The following POLR1A variants were observed in gnomAD, a reference collection of about 807,000 sequenced individuals.
POLR1A encodes DNA-directed RNA polymerase I subunit RPA1.
Under a neutral mutation model 205.3 loss-of-function variants are expected in POLR1A, and 84 were observed. The ratio of observed to expected loss-of-function variants is 0.41; its 90% CI spans 0.34 to 0.49. The LOEUF is 0.49. Among genes scored for constraint, POLR1A ranks in the 20% least tolerant of loss-of-function variants. The pLI, the probability that POLR1A is intolerant of heterozygous loss-of-function variation, is 0.22. For synonymous variants in POLR1A, 799 were observed against 863.7 expected, an observed-to-expected ratio of 0.93 and a Z score of 1.31; for missense variants, 1,645 against 2,204.5, an observed-to-expected ratio of 0.75 and a Z score of 5.08.
At position 86,020,968 on chromosome 2, in the gene POLR1A, G is replaced by A. The variant is rs1375578946; in HGVS notation, c.*6455C>T. Reference sequence around the variant, plus strand: ...AAGGAAACTGAAGTGCATTTCTTAGGGTCCCACTGTAAGTTGAGGGCTTGA... The same window carrying A: ...AAGGAAACTGAAGTGCATTTCTTAGAGTCCCACTGTAAGTTGAGGGCTTGA... On this transcript the variant is annotated 3_prime_UTR_variant, in exon 34 of 34. Coordinates refer to ENST00000263857, the MANE Select transcript of POLR1A (RefSeq NM_015425.6). 1 of 152,204 alleles carries A rather than the reference G, an allele frequency of 6.6e-6. No homozygotes were observed. Among genetic ancestry groups the A allele is most frequent in the East Asian group, 1.9e-4 (1 of 5,208 alleles). 9.4% of individuals were successfully genotyped at this position (152,204 alleles called of 1,614,324 possible).
intron 13 of POLR1A, among the ~76,000 whole-genome samples, chr2:86,068,984 G>C (rs1158654966): frequency 1.3e-5 from 2 of 152,210 alleles, no homozygotes; most frequent in Non-Finnish European, 2.9e-5. Flanking sequence ...ACAAACCCTA[G>C]GAAGATCCAG....
At position 86,028,606 on chromosome 2, in the gene POLR1A, A is replaced by G; in HGVS notation, c.4885T>C (p.Phe1629Leu). Residue 1629 changes from phenylalanine to leucine, a missense_variant, in exon 32 of 34, where the codon TTT becomes CTT. Around this residue, in one of 16 missense-constraint regions of POLR1A, gnomAD observed 86 missense variants for 149.8 expected, o/e 0.57. Transcript: ENST00000263857. This position sits in a 1 kb window ranked among gnomAD's most constrained non-coding sequence, Gnocchi z 4.5. ...AAGCTCCCCTTACCATACACGGCAA[A>G]CACATCCTTGATCTCCTTCTCGATC... ...RVIEKEIKDV[F>L]AVYGIAVDPR... The G allele has an allele frequency of 1.2e-6, 2 of 1,613,370 alleles. No individual in the cohort carries two copies. Among genetic ancestry groups the G allele is most frequent in the Non-Finnish European group, 8.5e-7 (1 of 1,179,280 alleles).
At chr2:86,077,811 G>GCGCA (rs1173393230) in intron 11 of POLR1A, 48 bp downstream of exon 11, 3 of 172,722 alleles carry the variant, frequency 1.7e-5, no homozygotes, top group African/African-American at 1.4e-4. Context: ...ACGCGCGCGC[G>GCGCA]CACACACACA....
intron 6 of POLR1A, among the ~76,000 whole-genome samples, chr2:86,083,820 TATC>T (rs1400242642): frequency 2.6e-5 from 4 of 152,240 alleles, no homozygotes; most frequent in Admixed American, 6.5e-5. Flanking sequence ...TTTTTACAAA[TATC>T]ATACTGGTGT....
chr2:86,031,151 A>G lies in POLR1A; in HGVS notation c.4578+179T>C, dbSNP rs146343624. 9.0e-3 allele frequency among the ~76,000 whole-genome samples: 1,376 copies of G among 152,266 alleles called. 7 individuals carry two copies. The highest frequency in any genetic ancestry group is 0.014 in the Non-Finnish European group (956 of 68,002). ...CCTAAAGGGATCTGGGATTAAAAAG[A>G]ACAAATGACTCTCGCAGGCCCCAAA... On this transcript the variant is annotated intron_variant, in intron 30 of 33. Coordinates refer to ENST00000263857, the MANE Select transcript of POLR1A (RefSeq NM_015425.6).
In POLR1A at chr2:86,077,685, G is replaced by C. The variant is rs75575952; in HGVS notation, c.1380+174C>G. On this transcript the variant is annotated intron_variant, in intron 11 of 33. Coordinates refer to ENST00000263857, the MANE Select transcript of POLR1A (RefSeq NM_015425.6). ...GCTTCCAGTCACCTCCTTGTGGGCT[G>C]TCCAGGAAGAGGCAGAAGCTAGTTC... Among the ~76,000 whole-genome samples the C allele has an allele frequency of 9.1e-3, 1,386 of 152,248 alleles. 20 individuals carry two copies. The highest frequency in any genetic ancestry group is 0.031 in the African/African-American group (1,308 of 41,538).
chr2:86,041,699 C>T (rs1672613892), intron 24 of POLR1A, among the ~76,000 whole-genome samples, 190 bp downstream of exon 24: 1 of 152,190 alleles, frequency 6.6e-6, no homozygotes, highest in South Asian at 2.1e-4. Context: ...TCCTGCCTCC[C>T]TTGCACTTGT....
chr2:86,095,356 G>T (rs748682483), intron 3 of POLR1A, among the ~76,000 whole-genome samples: 2 of 152,096 alleles, frequency 1.3e-5, no homozygotes, highest in Non-Finnish European at 2.9e-5. Flanking sequence ...GCCATCAAAA[G>T]AAAACATACA....
At position 86,077,805 on chromosome 2, in the gene POLR1A, G is replaced by A. The variant is rs992653868; in HGVS notation, c.1380+54C>T. The A allele has an allele frequency of 4.1e-4, 419 of 1,013,496 alleles. 39 individuals carry two copies. Among genetic ancestry groups the A allele is most frequent in the African/African-American group, 1.0e-3 (38 of 37,754 alleles). 62.8% of individuals were successfully genotyped at this position (1,013,496 alleles called of 1,614,324 possible). A position where few individuals can be genotyped will look rare whatever the true frequency, so the allele number is the denominator to read the frequency against. On this transcript the variant is annotated intron_variant, in intron 11 of 33. Coordinates refer to ENST00000263857, the MANE Select transcript of POLR1A (RefSeq NM_015425.6). ...CGGGGAGCAAATGAGCCCTGCACGCGCGCGCGCACACACACACACACACAC... is the reference window on the plus strand; with the variant it reads ...CGGGGAGCAAATGAGCCCTGCACGCACGCGCGCACACACACACACACACAC...
intron 3 of POLR1A, among the ~76,000 whole-genome samples, chr2:86,093,987 C>G (rs976901655): frequency 6.6e-6 from 1 of 152,156 alleles, no homozygotes; most frequent in Non-Finnish European, 1.5e-5. Context: ...CCCTCGATTG[C>G]GGGCATGTCT....
At chr2:86,098,883 C>A in intron 2 of POLR1A, 123 bp from the exon 3 acceptor site, 1 of 794,530 alleles carries the variant, frequency 1.3e-6, no homozygotes. Context: ...TCTACTTCAG[C>A]CTACATGCTT....
At chr2:86,057,726 T>TTA (rs1489738692) in intron 14 of POLR1A, among the ~76,000 whole-genome samples, 2 of 152,186 alleles carry the variant, frequency 1.3e-5, no homozygotes, top group Non-Finnish European at 2.9e-5. Flanking sequence ...TTGATACAAC[T>TTA]TATATGAAAT....
Position 86,028,768 on chromosome 2 carries a change from C to G in POLR1A, c.4780-57G>C, listed in dbSNP as rs572693996. ...GGGCCTGGCCTTCTGCTCCCTTCTG[C>G]CTGCGTATCTCCCCCTGGCCGCTCT... On this transcript the variant is annotated intron_variant, in intron 31 of 33. Coordinates refer to ENST00000263857, the MANE Select transcript of POLR1A (RefSeq NM_015425.6). The surrounding 1 kb of genome is among the most constrained non-coding windows in gnomAD (Gnocchi z 4.5). 51 of 1,253,608 alleles carry G rather than the reference C, an allele frequency of 4.1e-5. No homozygotes were observed. In the South Asian group the frequency reaches 5.3e-4, roughly 13 times the overall value. 77.7% of individuals were successfully genotyped at this position (1,253,608 alleles called of 1,614,324 possible). A position where few individuals can be genotyped will look rare whatever the true frequency, so the allele number is the denominator to read the frequency against.
chr2:86,093,297 C>G (rs956338746), intron 3 of POLR1A, among the ~76,000 whole-genome samples: 1 of 152,198 alleles, frequency 6.6e-6, no homozygotes, highest in African/African-American at 2.4e-5. Context: ...GAAACAATCT[C>G]AAATTTATAG....
intron 3 of POLR1A, among the ~76,000 whole-genome samples, chr2:86,090,483 A>G (rs1158182129): frequency 6.6e-6 from 1 of 152,172 alleles, no homozygotes; most frequent in Non-Finnish European, 1.5e-5. Flanking sequence ...CAAAGAGCCA[A>G]GATAGGTTAA....
Position 86,039,564 on chromosome 2 carries a change from G to C in POLR1A, c.3741-102C>G. On this transcript the variant is annotated intron_variant, in intron 25 of 33. Transcript: ENST00000263857. ...GTCAGAGTTCTTTTGGAATCTGAGA[G>C]AGGCCTGGGGATCTCACAGGGATAA... 1.2e-5 allele frequency: 16 copies of C among 1,348,114 alleles called. No homozygotes were observed. The South Asian group carries it at 1.5e-4, about 13-fold the overall frequency. The allele number at this position is 1,348,114 out of a possible 1,614,324, so 83.5% of individuals were successfully genotyped here. A position where few individuals can be genotyped will look rare whatever the true frequency, so the allele number is the denominator to read the frequency against.
intron 14 of POLR1A, among the ~76,000 whole-genome samples, chr2:86,058,177 T>G (rs1672931366): frequency 6.6e-6 from 1 of 152,226 alleles, no homozygotes; most frequent in Admixed American, 6.5e-5. Context: ...CTTGGCTCAC[T>G]GCAAGCTCCA....
Position 86,054,187 on chromosome 2 carries a change from G to C in POLR1A, c.2161C>G (p.Pro721Ala), listed in dbSNP as rs770316856. 2 of 1,613,884 alleles carry C rather than the reference G, an allele frequency of 1.2e-6. No individual in the cohort carries two copies. The highest frequency in any genetic ancestry group is 2.2e-5 in the South Asian group (2 of 91,084). ...GGGTTAAAGCCAGGAACGGATCGAG[G>C]AGTTTCCTTCACCCAGGCTTTCCCA... Reference protein sequence around the residue: ...ITGKAWVKETPRSVPGFNPDS... With the variant: ...ITGKAWVKETARSVPGFNPDS... The change falls in exon 15 of 34, where the codon CCT becomes GCT. Residue 721 changes from proline to alanine, a missense_variant. Physicochemically the swap from Pro to Ala is conservative, Grantham distance 27. Transcript: ENST00000263857.
In POLR1A at chr2:86,030,145, G is replaced by A. The variant is rs373581087; in HGVS notation, c.4779+51C>T. 1.6e-5 allele frequency: 23 copies of A among 1,477,326 alleles called. No individual in the cohort carries two copies. In the African/African-American group the frequency reaches 1.8e-4, roughly 12 times the overall value. 91.5% of individuals were successfully genotyped at this position (1,477,326 alleles called of 1,614,324 possible). ...CCCAGTGGCTGGGTCTTGAGACAAC[G>A]TGGGGTGAGGACTAATGCTTTGTCC... On this transcript the variant is annotated intron_variant, in intron 31 of 33. Transcript: ENST00000263857.
Sources: allele counts gnomAD v4.1 joint callset (sites outside exome capture counted in the v4.1 genomes callset), GRCh38; gene constraint gnomAD v4.1.1; regional missense constraint gnomAD v4.1.1; non-coding constraint Gnocchi (gnomAD v3.1); transcripts MANE v1.5; gene names NCBI Gene and HGNC (gene_info 2026-07-23, HGNC 2026-07-21).